The following GLT8D2 variants were observed in gnomAD, a reference collection of about 807,000 sequenced individuals.
The protein encoded by GLT8D2 is glycosyltransferase 8 domain containing 2.
Under a neutral mutation model 44.5 loss-of-function variants are expected in GLT8D2, and 45 were observed. The ratio of observed to expected loss-of-function variants is 1.01; its 90% CI spans 0.80 to 1.30. The LOEUF (loss-of-function observed/expected upper bound fraction) is 1.30, where lower values mean the gene tolerates loss of function less well. GLT8D2 is among the 50% of genes most tolerant of loss of function. The pLI is 0.00. For missense variants in GLT8D2, 400 were observed against 430.4 expected, an observed-to-expected ratio of 0.93 and a Z score of 0.62; for synonymous variants, 156 against 157.2, an observed-to-expected ratio of 0.99 and a Z score of 0.06.
At chr12:104,033,256 G>A (rs1245215420) in intron 1 of GLT8D2, among the ~76,000 whole-genome samples, 1 of 151,888 alleles carries the variant, frequency 6.6e-6, no homozygotes, top group Non-Finnish European at 1.5e-5. Context: ...AAAGAAATGT[G>A]GTATATATAT....
At chr12:104,047,001 A>T (rs1039346650) in intron 1 of GLT8D2, among the ~76,000 whole-genome samples, 6 of 151,340 alleles carry the variant, frequency 4.0e-5, no homozygotes, top group Admixed American at 6.6e-5. Context: ...CTAATTAAAA[A>T]TTTTTTTTGT....
intron 2 of GLT8D2, among the ~76,000 whole-genome samples, chr12:104,019,969 G>C (rs1199184100): frequency 2.6e-5 from 4 of 152,068 alleles, no homozygotes; most frequent in Non-Finnish European, 5.9e-5. Flanking sequence ...ACCCAGGCTG[G>C]AATGCAGTGG....
intron 4 of GLT8D2, among the ~76,000 whole-genome samples, chr12:104,007,027 G>A (rs575078365): frequency 6.6e-6 from 1 of 152,288 alleles, no homozygotes; most frequent in East Asian, 1.9e-4. Context: ...TTGACAGCAA[G>A]AGGAAGGAGG....
rs539171225 is a variant in GLT8D2 at position 103,989,690 on chromosome 12, A to G, written c.881-113T>C. On this transcript the variant is annotated intron_variant, in intron 10 of 10. Transcript: ENST00000360814. ...AAAGGTAAACAAATAAAAAGGTTATACAGTGAATTTTCTACCCACCCCAGG... is the reference window on the plus strand; with the variant it reads ...AAAGGTAAACAAATAAAAAGGTTATGCAGTGAATTTTCTACCCACCCCAGG... 34 of 971,080 alleles carry G rather than the reference A, an allele frequency of 3.5e-5. 1 individual carries two copies. Among genetic ancestry groups the G allele is most frequent in the East Asian group, 5.2e-5 (2 of 38,236 alleles). The allele number at this position is 971,080 out of a possible 1,614,324, so 60.2% of individuals were successfully genotyped here. A position where few individuals can be genotyped will look rare whatever the true frequency, so the allele number is the denominator to read the frequency against.
chr12:104,061,745 G>A (rs1392484223), intron 1 of GLT8D2, among the ~76,000 whole-genome samples: 1 of 152,052 alleles, frequency 6.6e-6, no homozygotes, highest in East Asian at 1.9e-4. Context: ...AGGAGACCAA[G>A]GTGGGCAGAT....
intron 5 of GLT8D2, among the ~76,000 whole-genome samples, chr12:104,001,850 T>C (rs1387007613): frequency 6.6e-6 from 1 of 152,130 alleles, no homozygotes; most frequent in Non-Finnish European, 1.5e-5. Flanking sequence ...ATTACAGGAA[T>C]GTGCTAACAT....
At chr12:104,011,681 T>C (rs1033532825) in intron 4 of GLT8D2, among the ~76,000 whole-genome samples, 2 of 152,154 alleles carry the variant, frequency 1.3e-5, no homozygotes, top group Admixed American at 1.3e-4. Flanking sequence ...TTTGAATTAA[T>C]GTTTTTCAAA....
Position 103,989,337 on chromosome 12 carries a change from A to C in GLT8D2, c.*71T>G. On this transcript the variant is annotated 3_prime_UTR_variant, in exon 11 of 11. Transcript: ENST00000360814. The stretch of plus-strand genomic sequence containing the variant: ...ATCAAAGGTAATATTCATAAAGAAC[A>C]ATGTTATAGTTGGCTACAAAGGGAC... 3.1e-6 allele frequency: 4 copies of C among 1,291,264 alleles called. No individual in the cohort carries two copies. The highest frequency in any genetic ancestry group is 2.4e-5 in the East Asian group (1 of 42,536). 80.0% of individuals were successfully genotyped at this position (1,291,264 alleles called of 1,614,324 possible).
chr12:104,014,954 G>T, intron 4 of GLT8D2, 59 bp downstream of exon 4: 3 of 1,209,948 alleles, frequency 2.5e-6, no homozygotes, highest in South Asian at 2.5e-5. Flanking sequence ...GGACCTAGAG[G>T]AACATATTCA....
intron 1 of GLT8D2, among the ~76,000 whole-genome samples, chr12:104,026,564 TAGG>T (rs1878602210): frequency 1.3e-5 from 2 of 152,200 alleles, no homozygotes; most frequent in Admixed American, 1.3e-4. Context: ...GGATATTCAT[TAGG>T]AGAAGTGGTA....
At chr12:104,006,912 C>T (rs1221396764) in intron 4 of GLT8D2, among the ~76,000 whole-genome samples, 1 of 152,106 alleles carries the variant, frequency 6.6e-6, no homozygotes, top group African/African-American at 2.4e-5. Flanking sequence ...TCCAACAGTC[C>T]TCAACTCTTC....
intron 1 of GLT8D2, among the ~76,000 whole-genome samples, chr12:104,043,065 G>A (rs924753553): frequency 6.6e-6 from 1 of 152,150 alleles, no homozygotes; most frequent in African/African-American, 2.4e-5. Context: ...CTATGTGCCC[G>A]CTCTCTCCTC....
intron 3 of GLT8D2, among the ~76,000 whole-genome samples, chr12:104,018,572 G>A (rs1486465726): frequency 2.0e-5 from 3 of 151,998 alleles, no homozygotes; most frequent in Admixed American, 6.6e-5. Context: ...CAACAGGCCC[G>A]ATTAATATTC....
In GLT8D2 at chr12:104,021,951, GA is replaced by G. The variant is rs1566202539; in HGVS notation, c.-163-461del. 8.8e-3 allele frequency among the ~76,000 whole-genome samples: 155 copies of G among 17,552 alleles called. No individual in the cohort carries two copies. In the East Asian group the frequency reaches 0.089, roughly 10 times the overall value. The allele number at this position is 17,552 out of a possible 152,430, so 11.5% of individuals were successfully genotyped here. On this transcript the variant is annotated intron_variant, in intron 1 of 10. Coordinates refer to ENST00000360814, the MANE Select transcript of GLT8D2 (RefSeq NM_001384711.1). ...AGAAGAAGAAGAAGAAGAAGAAGAA[GA>G]AGAGGAAGAAGAGGAAGAGGAAGAG...
At chr12:104,061,988 A>G (rs1593582799) in intron 1 of GLT8D2, among the ~76,000 whole-genome samples, 1 of 151,878 alleles carries the variant, frequency 6.6e-6, no homozygotes, top group East Asian at 1.9e-4. Flanking sequence ...AAAAAAAAAA[A>G]AAAAAATGGG....
chr12:104,016,063 C>T (rs913099437), intron 3 of GLT8D2, among the ~76,000 whole-genome samples: 6 of 152,132 alleles, frequency 3.9e-5, no homozygotes, highest in Admixed American at 3.3e-4. Context: ...AATTTGGATG[C>T]CCTTTATTTT....
chr12:104,042,119 G>A (rs1038901241), intron 1 of GLT8D2, among the ~76,000 whole-genome samples: 24 of 152,140 alleles, frequency 1.6e-4, no homozygotes, highest in African/African-American at 5.3e-4. Flanking sequence ...ATGAGAGAGA[G>A]GAAAATCCAA....
At chr12:103,999,347 C>G (rs766077866) in intron 6 of GLT8D2, 50 bp downstream of exon 6, 1 of 1,024,496 alleles carries the variant, frequency 9.8e-7, no homozygotes, top group Admixed American at 1.8e-5. Flanking sequence ...CTTTACTGAA[C>G]AAAGGTCTCA....
At chr12:103,998,231 C>CT (rs34268360) in intron 6 of GLT8D2, among the ~76,000 whole-genome samples, 17,397 of 143,274 alleles carry the variant, frequency 0.12, 2,418 homozygotes, top group African/African-American at 0.34. Context: ...AAACACCACT[C>CT]TTTTTTTTTT....
Sources: gnomAD v4.1 joint callset for allele counts (sites outside exome capture counted in the v4.1 genomes callset) on GRCh38, gnomAD v4.1.1 for gene constraint, MANE v1.5 for transcripts, NCBI Gene and HGNC (gene_info 2026-07-23, HGNC 2026-07-21) for gene names.